The following SOD3 variants were observed in gnomAD, a reference collection of about 807,000 sequenced individuals.
SOD3 encodes superoxide dismutase 3, also known as extracellular superoxide dismutase [Cu-Zn].
In SOD3, 3 loss-of-function variants were observed where a neutral mutation model predicts 2.6. That is an observed-to-expected ratio of 1.13 (90% CI 0.52 to 2.93). The LOEUF is 2.93. Among genes scored for constraint, SOD3 ranks in the 30% most tolerant of loss-of-function variants. The pLI is 0.04. For missense variants in SOD3, 379 were observed against 370.4 expected (o/e 1.02, Z -0.19); for synonymous variants, 188 against 177.5 (o/e 1.06, Z -0.47).
chr4:24,799,598 A>C lies in SOD3; in HGVS notation c.77A>C (p.Glu26Ala), dbSNP rs1179290154. The C allele has an allele frequency of 6.2e-7, 1 of 1,604,078 alleles. No individual in the cohort carries two copies. The highest frequency in any genetic ancestry group is 8.5e-7 in the Non-Finnish European group (1 of 1,178,670). Reference sequence around the variant, plus strand: ...GCCTGGACGGGCGAGGACTCGGCGGAGCCCAACTCTGACTCGGCGGAGTGG... The same window carrying C: ...GCCTGGACGGGCGAGGACTCGGCGGCGCCCAACTCTGACTCGGCGGAGTGG... Reference protein sequence around the residue: ...SDAWTGEDSAEPNSDSAEWIR... With the variant: ...SDAWTGEDSAAPNSDSAEWIR... The change falls in exon 2 of 2, where the codon GAG (glutamate) becomes GCG (alanine). Residue 26 changes from glutamate (E) to alanine (A), a missense_variant. By Grantham distance (107) the Glu-to-Ala change is moderately radical. Coordinates refer to ENST00000382120, the MANE Select transcript of SOD3 (RefSeq NM_003102.4).
At position 24,799,785 on chromosome 4, in the gene SOD3, G is replaced by A. The variant is rs200125712; in HGVS notation, c.264G>A (p.Ala88=). The change falls in exon 2 of 2, where the codon GCG becomes GCA. Residue 88 remains alanine, a synonymous_variant. Coordinates refer to ENST00000382120, the MANE Select transcript of SOD3 (RefSeq NM_003102.4). ...GCGTCGTCCTCTTCCGGCAGCTTGC[G>A]CCCCGCGCCAAGCTCGACGCCTTCT... ...VTGVVLFRQL[A]PRAKLDAFFA... is the part of the protein sequence containing the mutation. 325 of 1,582,262 alleles carry A rather than the reference G, an allele frequency of 2.1e-4. 3 individuals are homozygous for A. In the East Asian group the frequency reaches 5.1e-3, roughly 25 times the overall value.
Position 24,799,775 on chromosome 4 carries a change from G to C in SOD3, c.254G>C (p.Arg85Pro). ...QPRVTGVVLF[R>P]QLAPRAKLDA... ...CGGGTGACCGGCGTCGTCCTCTTCC[G>C]GCAGCTTGCGCCCCGCGCCAAGCTC... The change falls in exon 2 of 2, where the codon CGG becomes CCG. Residue 85 changes from arginine (R) to proline (P), a missense_variant. Coordinates refer to ENST00000382120, the MANE Select transcript of SOD3 (RefSeq NM_003102.4). The C allele has an allele frequency of 1.3e-6, 2 of 1,575,338 alleles. No individual in the cohort carries two copies. The highest frequency in any genetic ancestry group is 2.3e-5 in the East Asian group (1 of 43,266).
intron 1 of SOD3, among the ~76,000 whole-genome samples, chr4:24,797,524 C>T (rs183550360): frequency 8.5e-5 from 13 of 152,334 alleles, no homozygotes; most frequent in African/African-American, 2.9e-4. Flanking sequence ...TCGCAGCAAG[C>T]CTCTAAGGTA....
Position 24,800,191 on chromosome 4 carries a change from G to T in SOD3, c.670G>T (p.Glu224Ter), listed in dbSNP as rs1424903523. The change falls in exon 2 of 2, where the codon GAG becomes TAG. Residue 224 changes from glutamate (E) to a stop codon, truncating the protein, a stop_gained. Transcript: ENST00000382120. LOFTEE classifies it high-confidence loss of function. ...CGGGCTCTGGGAGCGCCAGGCGCGGGAGCACTCAGAGCGCAAGAAGCGGCG... is the reference window on the plus strand; with the variant it reads ...CGGGCTCTGGGAGCGCCAGGCGCGGTAGCACTCAGAGCGCAAGAAGCGGCG... The part of the protein sequence containing the change: ...GPGLWERQAR[E>*]HSERKKRRRE... 7.0e-7 allele frequency: 1 copy of T among 1,431,216 alleles called. No individual in the cohort carries two copies. The allele number at this position is 1,431,216 out of a possible 1,614,324, so 88.7% of individuals were successfully genotyped here. A position where few individuals can be genotyped will look rare whatever the true frequency, so the allele number is the denominator to read the frequency against.
Position 24,799,529 on chromosome 4 carries a change from C to T in SOD3, c.8C>T (p.Ala3Val), listed in dbSNP as rs928603090. The T allele has an allele frequency of 3.8e-6, 6 of 1,599,400 alleles. No individual in the cohort carries two copies. Among genetic ancestry groups the T allele is most frequent in the Middle Eastern group, 1.7e-4 (1 of 6,050 alleles). The stretch of plus-strand genomic sequence containing the variant: ...AGGTGCCCGACTCCAGCCATGCTGG[C>T]GCTACTGTGTTCCTGCCTGCTCCTG... Reference protein sequence around the residue: MLALLCSCLLLAA... With the variant: MLVLLCSCLLLAA... Residue 3 changes from alanine to valine, a missense_variant, in exon 2 of 2, where the codon GCG becomes GTG. Ala to Val is a moderately conservative substitution (Grantham distance 64). Coordinates refer to ENST00000382120, the MANE Select transcript of SOD3 (RefSeq NM_003102.4).
rs1056537271 is a variant in SOD3, at chr4:24,799,561, G to A, written c.40G>A (p.Gly14Ser). ...GTGTTCCTGCCTGCTCCTGGCAGCC[G>A]GTGCCTCGGACGCCTGGACGGGCGA... ...LLCSCLLLAA[G>S]ASDAWTGEDS... Residue 14 changes from glycine to serine, a missense_variant, in exon 2 of 2, where the codon GGT becomes AGT. Physicochemically the swap from Gly to Ser is moderately conservative, Grantham distance 56 (BLOSUM62 0). Transcript: ENST00000382120. The A allele has an allele frequency of 8.1e-6, 13 of 1,601,530 alleles. No individual in the cohort carries two copies. The highest frequency in any genetic ancestry group is 1.0e-5 in the Non-Finnish European group (12 of 1,178,984).
At chr4:24,797,734 A>T (rs1577362430) in intron 1 of SOD3, among the ~76,000 whole-genome samples, 1 of 152,136 alleles carries the variant, frequency 6.6e-6, no homozygotes, top group African/African-American at 2.4e-5. Context: ...AACCACACTA[A>T]ATTGCCTTTC....
In SOD3 at chr4:24,800,362, G is replaced by A; in HGVS notation, c.*118G>A. The A allele has an allele frequency of 3.7e-6, 4 of 1,085,774 alleles. No individual in the cohort carries two copies. Among genetic ancestry groups the A allele is most frequent in the Non-Finnish European group, 3.6e-6 (3 of 826,852 alleles). The allele number at this position is 1,085,774 out of a possible 1,614,324, so 67.3% of individuals were successfully genotyped here. Reference sequence around the variant, plus strand: ...AGGTCTCACCTTCGCCTTTGCTGAAGTCTCCCCGCAGCCCTCTCCACCCAG... The same window carrying A: ...AGGTCTCACCTTCGCCTTTGCTGAAATCTCCCCGCAGCCCTCTCCACCCAG... On this transcript the variant is annotated 3_prime_UTR_variant, in exon 2 of 2. Transcript: ENST00000382120.
chr4:24,800,342 T>C lies in SOD3; in HGVS notation c.*98T>C, dbSNP rs2109071889. ...AACAGACACCCTCCACTCTGAGGTC[T>C]CACCTTCGCCTTTGCTGAAGTCTCC... On this transcript the variant is annotated 3_prime_UTR_variant, in exon 2 of 2. Coordinates refer to ENST00000382120, the MANE Select transcript of SOD3 (RefSeq NM_003102.4). 3 of 1,218,434 alleles carry C rather than the reference T, an allele frequency of 2.5e-6. No individual in the cohort carries two copies. The highest frequency in any genetic ancestry group is 2.5e-5 in the South Asian group (1 of 39,386). The allele number at this position is 1,218,434 out of a possible 1,614,324, so 75.5% of individuals were successfully genotyped here.
rs954167116 is a variant in SOD3 at position 24,800,648 on chromosome 4, G to C, written c.*404G>C. On this transcript the variant is annotated 3_prime_UTR_variant, in exon 2 of 2. Transcript: ENST00000382120. ...CTCCTAGGCGCTCAGAGGCCGCTCTGGGGGGTTGCCTCGAGTCCCCCCACC... is the reference window on the plus strand; with the variant it reads ...CTCCTAGGCGCTCAGAGGCCGCTCTCGGGGGTTGCCTCGAGTCCCCCCACC... 2.3e-5 allele frequency: 4 copies of C among 170,240 alleles called. No individual in the cohort carries two copies. Among genetic ancestry groups the C allele is most frequent in the African/African-American group, 9.6e-5 (4 of 41,578 alleles). 10.5% of individuals were successfully genotyped at this position (170,240 alleles called of 1,614,324 possible).
In SOD3 at chr4:24,799,513, A is replaced by T. The variant is rs1286715643; in HGVS notation, c.-9A>T. On this transcript the variant is annotated 5_prime_UTR_variant, in exon 2 of 2. Coordinates refer to ENST00000382120, the MANE Select transcript of SOD3 (RefSeq NM_003102.4). Reference sequence around the variant, plus strand: ...CGCGGGGGCGTCCCGCAGGTGCCCGACTCCAGCCATGCTGGCGCTACTGTG... The same window carrying T: ...CGCGGGGGCGTCCCGCAGGTGCCCGTCTCCAGCCATGCTGGCGCTACTGTG... The T allele has an allele frequency of 6.3e-7, 1 of 1,597,156 alleles. No individual in the cohort carries two copies. The highest frequency in any genetic ancestry group is 8.5e-7 in the Non-Finnish European group (1 of 1,178,582).
intron 1 of SOD3, 29 bp from the exon 2 acceptor site, chr4:24,799,477 G>T: frequency 6.3e-7 from 1 of 1,589,936 alleles, no homozygotes; most frequent in Non-Finnish European, 8.5e-7. Flanking sequence ...GCCTCACTCT[G>T]CCCCCACCTC....
rs748827128 is a variant in SOD3, at chr4:24,799,938, C to T, written c.417C>T (p.His139=). The change falls in exon 2 of 2, where the codon CAC becomes CAT. Residue 139 remains histidine, a synonymous_variant. Coordinates refer to ENST00000382120, the MANE Select transcript of SOD3 (RefSeq NM_003102.4). ...GPHYNPLAVP[H]PQHPGDFGNF... ...ACTACAACCCGCTGGCCGTGCCGCA[C>T]CCGCAGCACCCGGGCGACTTCGGCA... 1.8e-5 allele frequency: 28 copies of T among 1,594,900 alleles called. No homozygotes were observed. The highest frequency in any genetic ancestry group is 5.6e-5 in the South Asian group (5 of 90,066).
Position 24,800,495 on chromosome 4 carries a change from C to T in SOD3, c.*251C>T. ...AGGCCTCCATTTGTACCGAAACACC[C>T]CGCTCACGCTGACAGCCTCCTAGGC... On this transcript the variant is annotated 3_prime_UTR_variant, in exon 2 of 2. Coordinates refer to ENST00000382120, the MANE Select transcript of SOD3 (RefSeq NM_003102.4). 5.4e-6 allele frequency: 2 copies of T among 369,330 alleles called. No homozygotes were observed. The highest frequency in any genetic ancestry group is 5.0e-6 in the Non-Finnish European group (1 of 199,172). 22.9% of individuals were successfully genotyped at this position (369,330 alleles called of 1,614,324 possible). A position where few individuals can be genotyped will look rare whatever the true frequency, so the allele number is the denominator to read the frequency against.
At chr4:24,799,245 G>A (rs1003677058) in intron 1 of SOD3, among the ~76,000 whole-genome samples, 1 of 152,166 alleles carries the variant, frequency 6.6e-6, no homozygotes, top group Admixed American at 6.5e-5. Flanking sequence ...GGACTGGAGA[G>A]GACGATGATC....
chr4:24,796,622 A>AT (rs58441391), intron 1 of SOD3, among the ~76,000 whole-genome samples: 4,069 of 126,092 alleles, frequency 0.032, 288 homozygotes, highest in African/African-American at 0.11. Context: ...ACACCCAGCT[A>AT]TTTTTTTTTT....
At chr4:24,796,804 G>A (rs1488391566) in intron 1 of SOD3, among the ~76,000 whole-genome samples, 1 of 152,018 alleles carries the variant, frequency 6.6e-6, no homozygotes, top group Non-Finnish European at 1.5e-5. Context: ...TATTTCCCAA[G>A]GATTCTTGAA....
chr4:24,796,591 G>GGACTACA (rs1252429587), intron 1 of SOD3, among the ~76,000 whole-genome samples: 1 of 149,754 alleles, frequency 6.7e-6, no homozygotes, highest in Admixed American at 6.7e-5. Flanking sequence ...TGAGTAACTG[G>GGACTACA]GACTACAGGC....
Position 24,800,428 on chromosome 4 carries a change from G to A in SOD3, c.*184G>A. 1 of 532,158 alleles carries A rather than the reference G, an allele frequency of 1.9e-6. No individual in the cohort carries two copies. Among genetic ancestry groups the A allele is most frequent in the Non-Finnish European group, 3.0e-6 (1 of 334,798 alleles). 33.0% of individuals were successfully genotyped at this position (532,158 alleles called of 1,614,324 possible). A position where few individuals can be genotyped will look rare whatever the true frequency, so the allele number is the denominator to read the frequency against. The stretch of plus-strand genomic sequence containing the variant: ...GAGACCCACCATCCTTCCATCCTGA[G>A]GACCGCCCCAACCCTCGGAGCCCCC... On this transcript the variant is annotated 3_prime_UTR_variant, in exon 2 of 2. Transcript: ENST00000382120.
Sources: allele counts gnomAD v4.1 joint callset (sites outside exome capture counted in the v4.1 genomes callset), GRCh38; gene constraint gnomAD v4.1.1; transcripts MANE v1.5; gene names NCBI Gene and HGNC (gene_info 2026-07-23, HGNC 2026-07-21).